Variants in LRRC7 observed in about 807,000 individuals in gnomAD.
LRRC7 encodes the protein leucine-rich repeat-containing protein 7.
In LRRC7, 23 loss-of-function variants were observed where a neutral mutation model predicts 175.7. The ratio of observed to expected loss-of-function variants is 0.13; its 90% CI spans 0.09 to 0.19. The LOEUF is 0.19. LRRC7 is among the 10% of genes least tolerant of loss of function. The pLI, the probability that LRRC7 is intolerant of heterozygous loss-of-function variation, is 1.00. For synonymous variants in LRRC7, 685 were observed against 680.9 expected (o/e 1.01, Z -0.09); for missense variants, 1,354 against 1,904.7 (o/e 0.71, Z 5.38).
intron 7 of LRRC7, chr1:69,873,647 T>C: frequency 2.6e-6 from 1 of 385,222 alleles, no homozygotes; most frequent in South Asian, 2.1e-5. Context: ...CCAAACATTT[T>C]TGGTGCGCTA....
intron 23 of LRRC7, among the ~76,000 whole-genome samples, chr1:70,058,363 A>G (rs17131167): frequency 0.026 from 3,947 of 152,290 alleles, 117 homozygotes; most frequent in African/African-American, 0.071. Context: ...ATTCACTGCT[A>G]GAAGAACATT....
intron 8 of LRRC7, among the ~76,000 whole-genome samples, chr1:69,952,743 A>T (rs1650067678): frequency 6.6e-6 from 1 of 152,050 alleles, no homozygotes; most frequent in Admixed American, 6.6e-5. Context: ...TCACAGCATG[A>T]CTAGAATATT....
At chr1:69,804,250 G>A (rs1435751424) in intron 4 of LRRC7, among the ~76,000 whole-genome samples, 3 of 151,268 alleles carry the variant, frequency 2.0e-5, no homozygotes, top group East Asian at 3.9e-4. Flanking sequence ...CTTCTTGCTT[G>A]TAATAAAAAT....
At chr1:69,591,164 A>C (rs1423726765) in intron 1 of LRRC7, among the ~76,000 whole-genome samples, 1 of 152,132 alleles carries the variant, frequency 6.6e-6, no homozygotes, top group Non-Finnish European at 1.5e-5. Flanking sequence ...TGCCAAGCCA[A>C]TTATAGGAGT....
At chr1:69,972,620 A>G (rs935222252) in intron 8 of LRRC7, among the ~76,000 whole-genome samples, 2 of 152,120 alleles carry the variant, frequency 1.3e-5, no homozygotes, top group Non-Finnish European at 2.9e-5. Context: ...AAAATATAAT[A>G]GATGTTAGCC....
At chr1:69,998,684 A>G (rs1163093762) in intron 11 of LRRC7, among the ~76,000 whole-genome samples, 1 of 152,180 alleles carries the variant, frequency 6.6e-6, no homozygotes, top group Non-Finnish European at 1.5e-5. Flanking sequence ...CATATTTCTT[A>G]TAAAACTACC....
intron 22 of LRRC7, among the ~76,000 whole-genome samples, chr1:70,046,668 T>C (rs1345597279): frequency 6.6e-6 from 1 of 152,072 alleles, no homozygotes; most frequent in East Asian, 1.9e-4. Context: ...TCCCACCCCA[T>C]CACCAATGCA....
chr1:69,614,581 TGTGCTCTTTTGTGCAA>T (rs57085281), intron 1 of LRRC7, among the ~76,000 whole-genome samples: 40,993 of 151,872 alleles, frequency 0.27, 5,841 homozygotes, highest in East Asian at 0.36. Flanking sequence ...CAATTTGGAC[TGTGCTCTTTTGTGCAA>T]GAACGGGAGC....
rs749014815 is a variant in LRRC7, at chr1:69,678,471, AGAG to A, written c.97_99del (p.Glu33del). Reference sequence around the variant, plus strand: ...GTGCAGCACTTCGGAAGAGGCCTGAAGAGGAGTGTAAGTATGTTTAATAGGATT... The same window carrying A: ...GTGCAGCACTTCGGAAGAGGCCTGAAGAGTGTAAGTATGTTTAATAGGATT... On this transcript the variant is annotated inframe_deletion, in exon 2 of 27. Coordinates refer to ENST00000651989, the MANE Select transcript of LRRC7 (RefSeq NM_001370785.2). 6.2e-7 allele frequency: 1 copy of A among 1,600,606 alleles called. No homozygotes were observed. The highest frequency in any genetic ancestry group is 1.3e-5 in the African/African-American group (1 of 74,776).
At chr1:69,735,592 A>G (rs1668023898) in intron 2 of LRRC7, among the ~76,000 whole-genome samples, 1 of 152,076 alleles carries the variant, frequency 6.6e-6, no homozygotes, top group Admixed American at 6.6e-5. Context: ...CCCCTTTGTA[A>G]TTAGTAAATA....
intron 4 of LRRC7, among the ~76,000 whole-genome samples, chr1:69,804,215 T>C (rs1268649988): frequency 6.6e-6 from 1 of 151,410 alleles, no homozygotes; most frequent in Non-Finnish European, 1.5e-5. Context: ...TGTGGCCAAG[T>C]ATATTGTTAA....
At chr1:69,788,604 T>C (rs1024916362) in intron 3 of LRRC7, among the ~76,000 whole-genome samples, 3 of 152,224 alleles carry the variant, frequency 2.0e-5, no homozygotes, top group Non-Finnish European at 4.4e-5. Flanking sequence ...TACGTATTCT[T>C]TGAGTTGAGA....
chr1:69,861,842 T>C (rs1292463073), intron 7 of LRRC7, among the ~76,000 whole-genome samples: 1 of 152,176 alleles, frequency 6.6e-6, no homozygotes, highest in Non-Finnish European at 1.5e-5. Context: ...TCACAGGTGT[T>C]CTTGCAGTTC....
In LRRC7 at chr1:69,809,727, T is replaced by C. The variant is rs549869012; in HGVS notation, c.422-16021T>C. On this transcript the variant is annotated intron_variant, in intron 4 of 26. Coordinates refer to ENST00000651989, the MANE Select transcript of LRRC7 (RefSeq NM_001370785.2). ...AGACCTTCAACAAAATTCAACAGCC[T>C]TTCATGCTAAAAACTCTCAATAAAC... Among the ~76,000 whole-genome samples the C allele has an allele frequency of 8.5e-5, 13 of 152,184 alleles. No individual in the cohort carries two copies. In the South Asian group the frequency reaches 2.7e-3, roughly 32 times the overall value.
chr1:70,062,737 A>G (rs1348864812), intron 23 of LRRC7, among the ~76,000 whole-genome samples: 1 of 152,110 alleles, frequency 6.6e-6, no homozygotes, highest in African/African-American at 2.4e-5. Context: ...AATTTATTTA[A>G]TGATCCATTT....
intron 1 of LRRC7, chr1:69,607,442 T>G (rs1214506238): frequency 6.6e-6 from 1 of 152,106 alleles, no homozygotes; most frequent in African/African-American, 2.4e-5. Flanking sequence ...TTTTAGAAAG[T>G]TTTTTTAATT....
chr1:69,569,906 C>CAAAAAAAAAAAA, intron 1 of LRRC7, among the ~76,000 whole-genome samples: 1 of 87,104 alleles, frequency 1.1e-5, no homozygotes, highest in Non-Finnish European at 2.1e-5. Context: ...AAAGGAATTA[C>CAAAAAAAAAAAA]AAAAAAAAAA....
chr1:69,835,865 A>G (rs1016874865), intron 6 of LRRC7, among the ~76,000 whole-genome samples: 10 of 151,910 alleles, frequency 6.6e-5, no homozygotes, highest in African/African-American at 2.4e-4. Flanking sequence ...AATTCTTAAG[A>G]TGTTTCCAAT....
At chr1:69,922,041 T>A (rs1168312978) in intron 7 of LRRC7, among the ~76,000 whole-genome samples, 1 of 152,196 alleles carries the variant, frequency 6.6e-6, no homozygotes, top group Non-Finnish European at 1.5e-5. Context: ...TTCTCCTGCC[T>A]CAACCTTCTG....
Sources: gnomAD v4.1 joint callset for allele counts (sites outside exome capture counted in the v4.1 genomes callset) on GRCh38, gnomAD v4.1.1 for gene constraint, MANE v1.5 for transcripts, NCBI Gene and HGNC (gene_info 2026-07-23, HGNC 2026-07-21) for gene names.